The following PFKFB3 variants were observed in gnomAD, a reference collection of about 807,000 sequenced individuals.
The protein encoded by PFKFB3 is 6-phosphofructo-2-kinase/fructose-2,6-bisphosphatase 3.
A neutral mutation model predicts 68.0 loss-of-function variants in PFKFB3; 33 were observed. The ratio of observed to expected loss-of-function variants is 0.49; its 90% CI spans 0.37 to 0.65. PFKFB3 has a LOEUF of 0.65. PFKFB3 is among the 30% of genes least tolerant of loss of function. The probability of loss-of-function intolerance (pLI) is 0.00; values close to 1 mark genes in which losing one functional copy is unlikely to be tolerated. For synonymous variants in PFKFB3, 315 were observed against 288.2 expected (o/e 1.09, Z -0.94); for missense variants, 586 against 712.2 (o/e 0.82, Z 2.02).
At chr10:6,146,164 T>C (rs1225680318) in intron 1 of PFKFB3, 5 of 932,030 alleles carry the variant, frequency 5.4e-6, no homozygotes, top group Non-Finnish European at 6.4e-6. Flanking sequence ...TGGCCTCCCC[T>C]GGCACTGGGC....
Position 6,159,640 on chromosome 10 carries a change from C to T in PFKFB3, c.16+14627C>T, listed in dbSNP as rs549191511. Among the ~76,000 whole-genome samples, 7 of 147,460 alleles carry T rather than the reference C, an allele frequency of 4.7e-5. No homozygotes were observed. In the East Asian group the frequency reaches 1.0e-3, roughly 21 times the overall value. ...CCGGGAGGAGGAGGTTGCGGTGAGC[C>T]GAGATTACACCATTGCACTCCAGCC... On this transcript the variant is annotated intron_variant, in intron 1 of 14. Transcript: ENST00000379789.
At chr10:6,305,844 G>A in the PFKFB3 span, among the ~76,000 whole-genome samples, 244 of 152,214 alleles carry the variant, frequency 1.6e-3, no homozygotes, top group Admixed American at 3.9e-3. Context: ...TATCCAAATG[G>A]GTCTTTTCAG....
At chr10:6,271,389 G>C in the PFKFB3 span, among the ~76,000 whole-genome samples, 4 of 152,246 alleles carry the variant, frequency 2.6e-5, no homozygotes, top group East Asian at 7.7e-4. Context: ...CTGCCTCCTG[G>C]GGGTGTGGGA....
At chr10:6,165,552 C>T (rs1588406255) in intron 1 of PFKFB3, among the ~76,000 whole-genome samples, 1 of 152,100 alleles carries the variant, frequency 6.6e-6, no homozygotes, top group African/African-American at 2.4e-5. Flanking sequence ...TACACAGAGC[C>T]GGCAGGGATG....
chr10:6,184,931 A>C (rs1842830313), intron 1 of PFKFB3, among the ~76,000 whole-genome samples: 1 of 152,054 alleles, frequency 6.6e-6, no homozygotes, highest in Admixed American at 6.6e-5. Flanking sequence ...TACGTGCCAC[A>C]GGTATTGAAA....
intron 1 of PFKFB3, chr10:6,149,737 G>A (rs377089731): frequency 1.3e-4 from 21 of 159,066 alleles, no homozygotes; most frequent in African/African-American, 2.2e-4. Flanking sequence ...CTCCATGTGC[G>A]TCCCTCCCAA....
At chr10:6,254,487 G>A in exon 15 of PFKFB3, 1 of 397,564 alleles carries the variant, frequency 2.5e-6, no homozygotes, top group Non-Finnish European at 4.4e-6. Flanking sequence ...AAATACAGAG[G>A]TCTCCAATGG....
In PFKFB3 at chr10:6,154,634, G is replaced by A. The variant is rs1429750090; in HGVS notation, c.16+9621G>A. On this transcript the variant is annotated intron_variant, in intron 1 of 14. Transcript: ENST00000379789. This position sits in a 1 kb window ranked among gnomAD's most constrained non-coding sequence, Gnocchi z 4.6. ...GACTGTGGGGTGGCGGGGGAGGCAG[G>A]AGACCAGGTGGGAGTCTCTGGGCCT... is the stretch of plus-strand genomic sequence containing the variant. Among the ~76,000 whole-genome samples the A allele has an allele frequency of 1.3e-5, 2 of 152,204 alleles. No individual in the cohort carries two copies. Among genetic ancestry groups the A allele is most frequent in the East Asian group, 3.8e-4 (2 of 5,196 alleles).
rs1227142622 is a variant in PFKFB3, at chr10:6,220,408, TTTTTTTCTCCATTTTCTTTC to T, written c.624-239_624-220del. On this transcript the variant is annotated intron_variant, in intron 7 of 14. Coordinates refer to ENST00000379775, the MANE Select transcript of PFKFB3 (RefSeq NM_004566.4). This position sits in a 1 kb window ranked among gnomAD's most constrained non-coding sequence, Gnocchi z 4.1. ...ATGAGCCACTGCACAGGCCCCTTTCTTTTTTTCTCCATTTTCTTTCTTTTTTCTCCCCCTTTTCTGGGAGG... is the reference window on the plus strand; with the variant it reads ...ATGAGCCACTGCACAGGCCCCTTTCTTTTTTTCTCCCCCTTTTCTGGGAGG... Among the ~76,000 whole-genome samples, 3 of 152,304 alleles carry T rather than the reference TTTTTTTCTCCATTTTCTTTC, an allele frequency of 2.0e-5. No homozygotes were observed. The highest frequency in any genetic ancestry group is 3.9e-4 in the East Asian group (2 of 5,186).
chr10:6,171,417 A>G (rs1395307554), intron 1 of PFKFB3, among the ~76,000 whole-genome samples: 2 of 134,282 alleles, frequency 1.5e-5, no homozygotes, highest in African/African-American at 2.9e-5. Context: ...TTTTTTTTGG[A>G]GACTGTCTCG....
chr10:6,273,173 A>G, the PFKFB3 span, among the ~76,000 whole-genome samples: 7 of 151,774 alleles, frequency 4.6e-5, no homozygotes, highest in Admixed American at 4.6e-4. Flanking sequence ...CGTGCGGCTA[A>G]TTTTTTTGTA....
At chr10:6,270,213 C>G in the PFKFB3 span, among the ~76,000 whole-genome samples, 10 of 152,260 alleles carry the variant, frequency 6.6e-5, no homozygotes, top group South Asian at 1.9e-3. Flanking sequence ...GAACATGGGA[C>G]AAGAATTCTG....
chr10:6,298,797 C>T, the PFKFB3 span, among the ~76,000 whole-genome samples: 4 of 152,302 alleles, frequency 2.6e-5, 1 homozygote, highest in African/African-American at 7.2e-5. Context: ...CGCACCCCAA[C>T]GCAGGTGCTC....
chr10:6,164,691 G>A (rs1842076205), intron 1 of PFKFB3, among the ~76,000 whole-genome samples: 1 of 152,122 alleles, frequency 6.6e-6, no homozygotes, highest in Non-Finnish European at 1.5e-5. Flanking sequence ...AGTGTAGCAG[G>A]GCAACAGGTG....
In PFKFB3 at chr10:6,228,327, A is replaced by G; in HGVS notation, c.1515+1962A>G. On this transcript the variant is annotated intron_variant, in intron 14 of 14. Coordinates refer to ENST00000379775, the MANE Select transcript of PFKFB3 (RefSeq NM_004566.4). The surrounding 1 kb of genome is among the most constrained non-coding windows in gnomAD (Gnocchi z 4.5). ...AGGATGAGAGCAGTTTTGTGATGTG[A>G]GGTCTTCCGTGGGGGAAGGAGGAGA... The G allele has an allele frequency of 8.2e-7, 1 of 1,219,104 alleles. No individual in the cohort carries two copies. Among genetic ancestry groups the G allele is most frequent in the Non-Finnish European group, 1.2e-6 (1 of 825,704 alleles). The allele number at this position is 1,219,104 out of a possible 1,614,324, so 75.5% of individuals were successfully genotyped here.
At chr10:6,295,920 G>A in the PFKFB3 span, among the ~76,000 whole-genome samples, 6 of 152,322 alleles carry the variant, frequency 3.9e-5, no homozygotes, top group East Asian at 7.7e-4. Context: ...TCCCTTTAGA[G>A]CTTTCAATTC....
chr10:6,184,763 C>T (rs1444846996), intron 1 of PFKFB3, among the ~76,000 whole-genome samples: 5 of 140,900 alleles, frequency 3.5e-5, no homozygotes, highest in Non-Finnish European at 4.5e-5. Flanking sequence ...TGAGTCACCG[C>T]GCCTGGCCTT....
chr10:6,203,168 C>A lies in PFKFB3; in HGVS notation c.-93C>A, dbSNP rs1054286873. 8 of 1,535,214 alleles carry A rather than the reference C, an allele frequency of 5.2e-6. No homozygotes were observed. The highest frequency in any genetic ancestry group is 4.1e-5 in the Admixed American group (2 of 48,880). On this transcript the variant is annotated 5_prime_UTR_variant, in exon 1 of 15. Coordinates refer to ENST00000379775, the MANE Select transcript of PFKFB3 (RefSeq NM_004566.4). The stretch of plus-strand genomic sequence containing the variant: ...CGGCCGCGCGCCGGCGCACGCCCCC[C>A]TCTCCTCCTTTGTTCCGGGGGTCGG...
chr10:6,202,883 C>T, upstream of PFKFB3: 1 of 1,073,328 alleles, frequency 9.3e-7, no homozygotes, highest in Non-Finnish European at 1.1e-6. Flanking sequence ...ACGTACGCGT[C>T]TGCGGCCAGC....
Sources: gnomAD v4.1 joint callset for allele counts (sites outside exome capture counted in the v4.1 genomes callset) on GRCh38, gnomAD v4.1.1 for gene constraint, Gnocchi (gnomAD v3.1) non-coding constraint, MANE v1.5 for transcripts, NCBI Gene and HGNC (gene_info 2026-07-23, HGNC 2026-07-21) for gene names.